The following ZNF875 variants were observed in gnomAD, a reference collection of about 807,000 sequenced individuals.
The protein encoded by ZNF875 is zinc finger protein 875.
A neutral mutation model predicts 11.2 loss-of-function variants in ZNF875; 14 were observed. That is an observed-to-expected ratio of 1.26 (90% CI 0.83 to 1.96). The LOEUF (loss-of-function observed/expected upper bound fraction) is 1.96. ZNF875 is among the 30% of genes most tolerant of loss of function. The pLI is 0.00. For synonymous variants in ZNF875, 301 were observed against 281.1 expected, an observed-to-expected ratio of 1.07 and a Z score of -0.71; for missense variants, 752 against 760.4, an observed-to-expected ratio of 0.99 and a Z score of 0.13.
chr19:37,359,649 G>A lies in ZNF875; in HGVS notation c.257-2460G>A, dbSNP rs760805266. ...AATCTCCTGACCTTGTGATCCACCCGCCTCAGCCTCCCAAAGTGCTGGGAT... is the reference window on the plus strand; with the variant it reads ...AATCTCCTGACCTTGTGATCCACCCACCTCAGCCTCCCAAAGTGCTGGGAT... On this transcript the variant is annotated intron_variant, in intron 4 of 4. Coordinates refer to ENST00000392153, the MANE Select transcript of ZNF875 (RefSeq NM_001353803.2). 3.6e-5 allele frequency: 7 copies of A among 196,016 alleles called. No homozygotes were observed. The highest frequency in any genetic ancestry group is 3.9e-4 in the East Asian group (2 of 5,110). The allele number at this position is 196,016 out of a possible 1,614,324, so 12.1% of individuals were successfully genotyped here.
chr19:37,361,267 T>C (rs2039867842), intron 4 of ZNF875, among the ~76,000 whole-genome samples: 1 of 152,088 alleles, frequency 6.6e-6, no homozygotes, highest in Admixed American at 6.6e-5. Context: ...TGTGCTACCA[T>C]AGCCAGCTAA....
intron 4 of ZNF875, among the ~76,000 whole-genome samples, chr19:37,354,021 G>C (rs1339288804): frequency 1.3e-5 from 2 of 151,914 alleles, no homozygotes; most frequent in African/African-American, 4.8e-5. Context: ...ATATTGGACT[G>C]CTGGAAATGT....
At chr19:37,331,429 C>T (rs2033377572), upstream of ZNF875, among the ~76,000 whole-genome samples, 1 of 151,478 alleles carries the variant, frequency 6.6e-6, no homozygotes, top group African/African-American at 2.4e-5. Context: ...GTTACTGTGT[C>T]TGTGTAGAAA....
intron 4 of ZNF875, among the ~76,000 whole-genome samples, chr19:37,357,642 A>G (rs2039137851): frequency 6.6e-6 from 1 of 151,868 alleles, no homozygotes; most frequent in African/African-American, 2.4e-5. Context: ...TCTAAGCTTG[A>G]ATGTTACTGG....
chr19:37,347,359 G>C (rs1294453323), intron 3 of ZNF875, 43 bp downstream of exon 3: 1 of 1,575,826 alleles, frequency 6.3e-7, no homozygotes, highest in Non-Finnish European at 8.6e-7. Context: ...GCCCTACAGA[G>C]TATTTTCCAC....
upstream of ZNF875, among the ~76,000 whole-genome samples, chr19:37,333,973 A>G (rs908832238): frequency 2.0e-5 from 3 of 151,862 alleles, no homozygotes; most frequent in Admixed American, 6.6e-5. Context: ...AGCCTCCAAT[A>G]AAAACCTCGG....
chr19:37,323,641 C>T (rs1204340799), intron 3 of ZNF875: 2 of 152,160 alleles, frequency 1.3e-5, no homozygotes, highest in Non-Finnish European at 2.9e-5. Context: ...TTTTGGGCTG[C>T]ACGAGAGTGG....
chr19:37,329,525 G>C (rs1480685116), intron 4 of ZNF875, among the ~76,000 whole-genome samples: 2 of 152,160 alleles, frequency 1.3e-5, no homozygotes, highest in Non-Finnish European at 2.9e-5. Context: ...TCTACTGGGT[G>C]ATGCATGCAG....
In ZNF875 at chr19:37,362,397, A is replaced by C; in HGVS notation, c.545A>C (p.Glu182Ala). The stretch of plus-strand genomic sequence containing the variant: ...TCAAAGGCACTTTCCAGCCCACCTG[A>C]AGAACAACAGCCAGCACAGTCCAAG... ...GTSKALSSPP[E>A]EQQPAQSKED... Residue 182 changes from glutamate to alanine, a missense_variant, in exon 5 of 5, where the codon GAA (glutamate) becomes GCA (alanine). Physicochemically the swap from Glu to Ala is moderately radical, Grantham distance 107. Coordinates refer to ENST00000392153, the MANE Select transcript of ZNF875 (RefSeq NM_001353803.2). The C allele has an allele frequency of 6.2e-7, 1 of 1,614,138 alleles. No homozygotes were observed. The highest frequency in any genetic ancestry group is 8.5e-7 in the Non-Finnish European group (1 of 1,180,036).
intron 4 of ZNF875, among the ~76,000 whole-genome samples, chr19:37,325,395 G>T (rs898323192): frequency 1.3e-5 from 2 of 152,124 alleles, no homozygotes; most frequent in Non-Finnish European, 2.9e-5. Flanking sequence ...TACAATGCCA[G>T]ACACATACGT....
upstream of ZNF875, among the ~76,000 whole-genome samples, chr19:37,317,644 G>T (rs2030324018): frequency 6.6e-6 from 1 of 152,230 alleles, no homozygotes; most frequent in South Asian, 2.1e-4. Context: ...TGGCGCAGCG[G>T]GTAGACGTTC....
In ZNF875 at chr19:37,362,714, G is replaced by GGGCGA; in HGVS notation, c.866_870dup (p.Phe291GlufsTer9). ...AAAGCCTTATGTGTGCAGGGAATGT[G>GGGCGA]GGCGAGGCTTTACGTGGAAGTCAAA... On this transcript the variant is annotated frameshift_variant, in exon 5 of 5. Coordinates refer to ENST00000392153, the MANE Select transcript of ZNF875 (RefSeq NM_001353803.2). LOFTEE classifies it low-confidence loss of function (END_TRUNC). The GGGCGA allele has an allele frequency of 6.2e-7, 1 of 1,613,488 alleles. No homozygotes were observed. The highest frequency in any genetic ancestry group is 8.5e-7 in the Non-Finnish European group (1 of 1,179,662).
At chr19:37,333,619 GGTTAC>G (rs1026545099), upstream of ZNF875, among the ~76,000 whole-genome samples, 5 of 152,062 alleles carry the variant, frequency 3.3e-5, no homozygotes, top group Non-Finnish European at 7.4e-5. Context: ...TTGGAGGGAT[GGTTAC>G]GAGGAAATTG....
At position 37,339,004 on chromosome 19, in the gene ZNF875, AT is replaced by A. The variant is rs975765965; in HGVS notation, c.33+3755del. Among the ~76,000 whole-genome samples the A allele has an allele frequency of 5.9e-5, 9 of 151,824 alleles. No individual in the cohort carries two copies. In the East Asian group the frequency reaches 9.6e-4, roughly 16 times the overall value. ...GATGAACTGGCAGGCACATTATGTT[AT>A]TTTTTTTCTTAGCATTTTTCCTTTT... On this transcript the variant is annotated intron_variant, in intron 2 of 4. Coordinates refer to ENST00000392153, the MANE Select transcript of ZNF875 (RefSeq NM_001353803.2).
At chr19:37,340,444 T>C (rs2035460972) in intron 2 of ZNF875, among the ~76,000 whole-genome samples, 1 of 152,194 alleles carries the variant, frequency 6.6e-6, no homozygotes, top group Non-Finnish European at 1.5e-5. Context: ...TGCCACCCAC[T>C]ACATGTTTCT....
chr19:37,340,804 A>G (rs2035561702), intron 2 of ZNF875, among the ~76,000 whole-genome samples: 1 of 151,534 alleles, frequency 6.6e-6, no homozygotes, highest in Non-Finnish European at 1.5e-5. Context: ...GCCGACCACC[A>G]CGCCCGGCTA....
At chr19:37,348,494 A>G (rs2037259902) in intron 4 of ZNF875, among the ~76,000 whole-genome samples, 1 of 152,128 alleles carries the variant, frequency 6.6e-6, no homozygotes. Context: ...AATCATCTAT[A>G]TTGTTGTTTG....
At chr19:37,343,355 TAAATA>T (rs1265569964) in intron 2 of ZNF875, among the ~76,000 whole-genome samples, 23 of 103,150 alleles carry the variant, frequency 2.2e-4, no homozygotes, top group African/African-American at 8.1e-4. Context: ...AAATAAAGAA[TAAATA>T]AAATAAAACC....
chr19:37,319,346 T>TAG (rs2030844470), intron 1 of ZNF875, among the ~76,000 whole-genome samples: 1 of 138,134 alleles, frequency 7.2e-6, no homozygotes. Context: ...GCAGCCGGCA[T>TAG]ATATATATAT....
Sources: gnomAD v4.1 joint callset for allele counts (sites outside exome capture counted in the v4.1 genomes callset) on GRCh38, gnomAD v4.1.1 for gene constraint, MANE v1.5 for transcripts, NCBI Gene and HGNC (gene_info 2026-07-23, HGNC 2026-07-21) for gene names.